RRAGD: variants seen among roughly 807,000 people sequenced by gnomAD.
The protein encoded by RRAGD is Ras related GTP binding D.
RRAGD carries 12 observed loss-of-function variants against 35.5 expected under a neutral mutation model. That is an observed-to-expected ratio of 0.34 (90% CI 0.22 to 0.55). The LOEUF (loss-of-function observed/expected upper bound fraction) is 0.55. Ranked by LOEUF, RRAGD falls within the 20% of genes least tolerant of loss-of-function variation. The probability of loss-of-function intolerance (pLI) is 0.91; values close to 1 mark genes in which losing one functional copy is unlikely to be tolerated. For missense variants in RRAGD, 324 were observed against 490.1 expected, an observed-to-expected ratio of 0.66 and a Z score of 3.20; for synonymous variants, 155 against 178.9, an observed-to-expected ratio of 0.87 and a Z score of 1.07.
chr6:89,403,624 TTTC>T (rs929628397), intron 1 of RRAGD, among the ~76,000 whole-genome samples: 6 of 124,328 alleles, frequency 4.8e-5, no homozygotes, highest in African/African-American at 2.1e-4. Flanking sequence ...TGGTTTTCTT[TTTC>T]TTTTTTTTTT....
intron 6 of RRAGD, among the ~76,000 whole-genome samples, chr6:89,372,015 A>G (rs1768861091): frequency 6.6e-6 from 1 of 152,224 alleles, no homozygotes; most frequent in Admixed American, 6.5e-5. Context: ...TGGGAAGAAC[A>G]AAAGATCACA....
At chr6:89,377,537 G>T in intron 5 of RRAGD, 134 bp downstream of exon 5, 1 of 747,704 alleles carries the variant, frequency 1.3e-6, no homozygotes. Flanking sequence ...ATGCTAACTG[G>T]TATATTTATT....
At position 89,368,135 on chromosome 6, in the gene RRAGD, A is replaced by C; in HGVS notation, c.1124T>G (p.Val375Gly). Residue 375 changes from valine (V) to glycine (G), a missense_variant, in exon 7 of 7, where the codon GTA becomes GGA. Around this residue, in one of 5 missense-constraint regions of RRAGD, gnomAD observed 68 missense variants for 76.8 expected, o/e 0.89. Coordinates refer to ENST00000369415, the MANE Select transcript of RRAGD (RefSeq NM_021244.5). The stretch of plus-strand genomic sequence containing the variant: ...CCGATTCTGAACCTTTCGAGATTTT[A>C]CTACTTTCATTCTCACCTCAAAAAC... ...HEVFEVRMKV[V>G]KSRKVQNRLQ... 6.2e-7 allele frequency: 1 copy of C among 1,613,978 alleles called. No individual in the cohort carries two copies. Among genetic ancestry groups the C allele is most frequent in the Non-Finnish European group, 8.5e-7 (1 of 1,179,912 alleles).
At chr6:89,389,711 A>T (rs1769198691) in intron 1 of RRAGD, among the ~76,000 whole-genome samples, 1 of 152,310 alleles carries the variant, frequency 6.6e-6, no homozygotes, top group South Asian at 2.1e-4. Flanking sequence ...TAATTGACCA[A>T]GAGCGTGTAT....
At chr6:89,403,045 C>T (rs1465692362) in intron 1 of RRAGD, among the ~76,000 whole-genome samples, 1 of 152,166 alleles carries the variant, frequency 6.6e-6, no homozygotes, top group Non-Finnish European at 1.5e-5. Context: ...TGAGTAAGCT[C>T]TAGGGATCTG....
chr6:89,406,178 A>G (rs1187314087), intron 1 of RRAGD, among the ~76,000 whole-genome samples: 1 of 152,196 alleles, frequency 6.6e-6, no homozygotes, highest in Non-Finnish European at 1.5e-5. Context: ...ATTCAGTAGC[A>G]GTCCTAATGA....
At chr6:89,384,032 G>A (rs1769093750) in intron 2 of RRAGD, among the ~76,000 whole-genome samples, 2 of 151,770 alleles carry the variant, frequency 1.3e-5, no homozygotes, top group Admixed American at 6.6e-5. Context: ...GAACCCAGTT[G>A]GCGGGGATTG....
rs192053216 is a variant in RRAGD, at chr6:89,373,519, G to A, written c.903-934C>T. On this transcript the variant is annotated intron_variant, in intron 5 of 6. Transcript: ENST00000369415. ...TGTAGTCCCAGCTACTCGGGAGGCT[G>A]AGGCAGAAGAATCCCTTGAACCCAG... Among the ~76,000 whole-genome samples, 602 of 151,694 alleles carry A rather than the reference G, an allele frequency of 4.0e-3. 1 individual carries two copies. The highest frequency in any genetic ancestry group is 6.8e-3 in the Middle Eastern group (2 of 292).
intron 1 of RRAGD, among the ~76,000 whole-genome samples, chr6:89,402,030 TC>T (rs1049831707): frequency 7.0e-6 from 1 of 142,796 alleles, no homozygotes; most frequent in African/African-American, 2.7e-5. Context: ...ACTGAGGAAA[TC>T]CTAAGGATTT....
At chr6:89,389,116 C>T (rs891039224) in intron 1 of RRAGD, among the ~76,000 whole-genome samples, 1 of 152,074 alleles carries the variant, frequency 6.6e-6, no homozygotes, top group Non-Finnish European at 1.5e-5. Context: ...GTCTGTGGCC[C>T]GGGGTTTGGG....
Position 89,365,105 on chromosome 6 carries a change from G to A in RRAGD, c.*2951C>T, listed in dbSNP as rs78239479. ...ATAACCCGTATGTAACAATATTGCT[G>A]TGATTTTAGTCATATTTAAGGGTCC... On this transcript the variant is annotated 3_prime_UTR_variant, in exon 7 of 7. Coordinates refer to ENST00000369415, the MANE Select transcript of RRAGD (RefSeq NM_021244.5). 2.8e-3 allele frequency: 422 copies of A among 152,278 alleles called. 2 individuals carry two copies. Among genetic ancestry groups the A allele is most frequent in the African/African-American group, 9.6e-3 (400 of 41,542 alleles). 9.4% of individuals were successfully genotyped at this position (152,278 alleles called of 1,614,324 possible).
In RRAGD at chr6:89,396,728, A is replaced by ATTTTTT. The variant is rs1160973684; in HGVS notation, c.149-9144_149-9139dup. On this transcript the variant is annotated intron_variant, in intron 1 of 6. Coordinates refer to ENST00000369415, the MANE Select transcript of RRAGD (RefSeq NM_021244.5). ...GCTGCTGCACCCAACCAATGACCCA[A>ATTTTTT]TTTTTTTTTTTTTTTTTTTTTTTTT... Among the ~76,000 whole-genome samples the ATTTTTT allele has an allele frequency of 3.9e-5, 3 of 76,392 alleles. 1 individual carries two copies. The highest frequency in any genetic ancestry group is 1.6e-4 in the Admixed American group (1 of 6,412). The allele number at this position is 76,392 out of a possible 152,430, so 50.1% of individuals were successfully genotyped here. A position where few individuals can be genotyped will look rare whatever the true frequency, so the allele number is the denominator to read the frequency against.
At chr6:89,392,666 C>T (rs928921735) in intron 1 of RRAGD, among the ~76,000 whole-genome samples, 6 of 152,100 alleles carry the variant, frequency 3.9e-5, no homozygotes, top group Non-Finnish European at 7.4e-5. Context: ...CAAAACTCTA[C>T]AATTGTCTAA....
intron 3 of RRAGD, 110 bp from the exon 4 acceptor site, chr6:89,379,448 C>T: frequency 3.6e-6 from 2 of 552,410 alleles, no homozygotes; most frequent in East Asian, 3.2e-5. Flanking sequence ...AGTCCTAACA[C>T]ATACAGTCCA....
At chr6:89,371,291 C>A (rs760953676) in intron 6 of RRAGD, among the ~76,000 whole-genome samples, 1 of 151,740 alleles carries the variant, frequency 6.6e-6, no homozygotes, top group Admixed American at 6.6e-5. Flanking sequence ...GAGTTTGAGA[C>A]CAGCCTAGGA....
chr6:89,390,380 A>G (rs1769210116), intron 1 of RRAGD, among the ~76,000 whole-genome samples: 1 of 152,254 alleles, frequency 6.6e-6, no homozygotes, highest in African/African-American at 2.4e-5. Flanking sequence ...TTCTCCAAAG[A>G]GACACTAAAG....
intron 1 of RRAGD, among the ~76,000 whole-genome samples, chr6:89,395,387 A>T (rs1246120615): frequency 1.3e-5 from 2 of 152,224 alleles, no homozygotes; most frequent in Non-Finnish European, 2.9e-5. Context: ...CCCAACTCTA[A>T]AACAAAGAAA....
chr6:89,379,350 A>G lies in RRAGD; in HGVS notation c.645-12T>C, dbSNP rs1562448630. On this transcript the variant is annotated splice_polypyrimidine_tract_variant and intron_variant, in intron 3 of 6. Coordinates refer to ENST00000369415, the MANE Select transcript of RRAGD (RefSeq NM_021244.5). ...TTGTCAGATAAAAGCTGAAAGAGGA[A>G]ACGGTATTTCATCATGTTTTCCCTT... is the stretch of plus-strand genomic sequence containing the variant. 1.4e-6 allele frequency: 2 copies of G among 1,387,738 alleles called. No individual in the cohort carries two copies. Among genetic ancestry groups the G allele is most frequent in the African/African-American group, 1.4e-5 (1 of 70,174 alleles). 86.0% of individuals were successfully genotyped at this position (1,387,738 alleles called of 1,614,324 possible).
rs1382347068 is a variant in RRAGD at position 89,380,215 on chromosome 6, C to T, written c.597G>A (p.Arg199=). The change falls in exon 3 of 7, where the codon AGG becomes AGA. Residue 199 remains arginine (R), a synonymous_variant. Coordinates refer to ENST00000369415, the MANE Select transcript of RRAGD (RefSeq NM_021244.5). ...CAGCATCTGCAAGGTCATCGTTTGC[C>T]CTCTGGTGAATATCTCTTTGGGTTT... ...KIETQRDIHQ[R]ANDDLADAGL... 1.2e-6 allele frequency: 2 copies of T among 1,614,210 alleles called. No individual in the cohort carries two copies. The highest frequency in any genetic ancestry group is 1.7e-6 in the Non-Finnish European group (2 of 1,180,044).
Sources: gnomAD v4.1 joint callset for allele counts (sites outside exome capture counted in the v4.1 genomes callset) on GRCh38, gnomAD v4.1.1 for gene constraint, gnomAD v4.1.1 regional missense constraint, MANE v1.5 for transcripts, NCBI Gene and HGNC (gene_info 2026-07-23, HGNC 2026-07-21) for gene names.